Variants in ECE1 observed in about 807,000 individuals in gnomAD.
The protein encoded by ECE1 is endothelin-converting enzyme 1.
Under a neutral mutation model 98.6 loss-of-function variants are expected in ECE1, and 35 were observed. That is an observed-to-expected ratio of 0.35 (90% CI 0.27 to 0.47). ECE1 has a LOEUF of 0.47. ECE1 is among the 20% of genes least tolerant of loss of function. ECE1 has a pLI of 1.00. For missense variants in ECE1, 814 were observed against 1,025.3 expected (o/e 0.79, Z 2.81); for synonymous variants, 394 against 407.1 (o/e 0.97, Z 0.39).
chr1:21,245,227 C>G (rs1038578751), intron 9 of ECE1, 124 bp from the exon 10 acceptor site: 1 of 799,340 alleles, frequency 1.3e-6, no homozygotes, highest in African/African-American at 1.7e-5. Context: ...TTCCAGCCTG[C>G]GGGGGCTTGG....
At chr1:21,301,549 C>T (rs915538901) in intron 1 of ECE1, among the ~76,000 whole-genome samples, 1 of 152,014 alleles carries the variant, frequency 6.6e-6, no homozygotes, top group East Asian at 1.9e-4. Context: ...GGTGCAGTGG[C>T]TCACACCTAT....
intron 1 of ECE1, among the ~76,000 whole-genome samples, chr1:21,305,393 A>T (rs1359546157): frequency 6.6e-6 from 1 of 152,258 alleles, no homozygotes; most frequent in Non-Finnish European, 1.5e-5. Flanking sequence ...AGAAATAAAC[A>T]GACTTGAGTG....
In ECE1 at chr1:21,327,872, G is replaced by A. The variant is rs1262292133; in HGVS notation, c.3+17504C>T. On this transcript the variant is annotated intron_variant, in intron 1 of 18. Coordinates refer to the ECE1 transcript ENST00000415912. This position sits in a 1 kb window ranked among gnomAD's most constrained non-coding sequence, Gnocchi z 4.6. Reference sequence around the variant, plus strand: ...GGTGGCATTAGATTCTCGTAGGAGCGCGAACCCTATTGTGAACTGCACGTG... The same window carrying A: ...GGTGGCATTAGATTCTCGTAGGAGCACGAACCCTATTGTGAACTGCACGTG... 6.6e-6 allele frequency among the ~76,000 whole-genome samples: 1 copy of A among 152,196 alleles called. No individual in the cohort carries two copies. The highest frequency in any genetic ancestry group is 1.5e-5 in the Non-Finnish European group (1 of 68,038).
intron 12 of ECE1, among the ~76,000 whole-genome samples, chr1:21,236,205 C>G (rs1275489525): frequency 2.0e-5 from 3 of 152,274 alleles, no homozygotes; most frequent in African/African-American, 7.2e-5. Context: ...GGACGTGCTG[C>G]GTTTTCCTGC....
Position 21,225,554 on chromosome 1 carries a change from C to G in ECE1, c.1850-114G>C. 1 of 1,250,146 alleles carries G rather than the reference C, an allele frequency of 8.0e-7. No individual in the cohort carries two copies. The highest frequency in any genetic ancestry group is 1.4e-5 in the South Asian group (1 of 73,468). 77.4% of individuals were successfully genotyped at this position (1,250,146 alleles called of 1,614,324 possible). A position where few individuals can be genotyped will look rare whatever the true frequency, so the allele number is the denominator to read the frequency against. On this transcript the variant is annotated intron_variant, in intron 16 of 18. Transcript: ENST00000374893. This position sits in a 1 kb window ranked among gnomAD's most constrained non-coding sequence, Gnocchi z 5.3. ...CATCCGTCCACCCCCGTCCTCCAGCCACCATGGGGAGACGAGGTCCCTGTG... is the reference window on the plus strand; with the variant it reads ...CATCCGTCCACCCCCGTCCTCCAGCGACCATGGGGAGACGAGGTCCCTGTG...
chr1:21,293,694 T>A (rs558558680), upstream of ECE1: 3 of 152,202 alleles, frequency 2.0e-5, no homozygotes, highest in African/African-American at 4.8e-5. Flanking sequence ...TGAACCCACC[T>A]CAGACGGGAA....
intron 8 of ECE1, 72 bp downstream of exon 8, chr1:21,255,875 G>T: frequency 1.3e-6 from 2 of 1,499,026 alleles, no homozygotes; most frequent in Non-Finnish European, 9.2e-7. Context: ...GAGTATAAAA[G>T]CCCCCAGTCC....
At chr1:21,238,341 G>A (rs2098191068) in intron 10 of ECE1, 97 bp from the exon 11 acceptor site, 5 of 968,656 alleles carry the variant, frequency 5.2e-6, no homozygotes, top group East Asian at 2.6e-5. Context: ...CCCATGCTTT[G>A]TTCTGGAAGT....
Position 21,258,547 on chromosome 1 carries a change from G to T in ECE1, c.762+146C>A. On this transcript the variant is annotated intron_variant, in intron 6 of 18. Coordinates refer to ENST00000374893, the MANE Select transcript of ECE1 (RefSeq NM_001397.3). The surrounding 1 kb of genome is among the most constrained non-coding windows in gnomAD (Gnocchi z 4.2). ...AGCCTGCAAAGATCTCACCAGTGGG[G>T]CCTCTGGAAATAACCCAGGCTCAGA... 1 of 1,283,540 alleles carries T rather than the reference G, an allele frequency of 7.8e-7. No individual in the cohort carries two copies. 79.5% of individuals were successfully genotyped at this position (1,283,540 alleles called of 1,614,324 possible). A position where few individuals can be genotyped will look rare whatever the true frequency, so the allele number is the denominator to read the frequency against.
intron 1 of ECE1, among the ~76,000 whole-genome samples, chr1:21,321,213 C>T (rs925673163): frequency 2.0e-5 from 3 of 152,148 alleles, no homozygotes; most frequent in African/African-American, 7.2e-5. Flanking sequence ...CTTGCTGCTC[C>T]CCAGGCTGGC....
At position 21,220,340 on chromosome 1, in the gene ECE1, A is replaced by T. The variant is rs1050181499; in HGVS notation, c.2137-209T>A. ...CAAGACCCCATCTCTACAAAAAATT[A>T]AAAAAAAAATTAACCAGGGATGGTG... On this transcript the variant is annotated intron_variant, in intron 18 of 18. Coordinates refer to ENST00000374893, the MANE Select transcript of ECE1 (RefSeq NM_001397.3). This position sits in a 1 kb window ranked among gnomAD's most constrained non-coding sequence, Gnocchi z 5.0. Among the ~76,000 whole-genome samples the T allele has an allele frequency of 1.1e-4, 16 of 150,700 alleles. No homozygotes were observed. The highest frequency in any genetic ancestry group is 2.1e-4 in the South Asian group (1 of 4,766).
At chr1:21,236,630 C>T in intron 12 of ECE1, 116 bp downstream of exon 12, 2 of 1,043,144 alleles carry the variant, frequency 1.9e-6, no homozygotes, top group Non-Finnish European at 3.0e-6. Context: ...GCCTGGGTAA[C>T]AAGAACGAAA....
In ECE1 at chr1:21,310,519, T is replaced by C. The variant is rs191409837; in HGVS notation, c.4-20363A>G. Among the ~76,000 whole-genome samples, 213 of 152,146 alleles carry C rather than the reference T, an allele frequency of 1.4e-3. 1 individual carries two copies. Among genetic ancestry groups the C allele is most frequent in the African/African-American group, 4.3e-3 (180 of 41,516 alleles). ...GGCGTGTCCCATGCACCACAAGGAA[T>C]TGGGGAGGAACAATTCCCAAAGGAA... is the stretch of plus-strand genomic sequence containing the variant. On this transcript the variant is annotated intron_variant, in intron 1 of 18. Coordinates refer to the ECE1 transcript ENST00000415912.
At position 21,345,315 on chromosome 1, in the gene ECE1, C is replaced by G. The variant is rs1639477448; in HGVS notation, c.3+61G>C. 3 of 1,339,740 alleles carry G rather than the reference C, an allele frequency of 2.2e-6. No homozygotes were observed. The Admixed American group carries it at 8.0e-5, about 36-fold the overall frequency. 83.0% of individuals were successfully genotyped at this position (1,339,740 alleles called of 1,614,324 possible). A position where few individuals can be genotyped will look rare whatever the true frequency, so the allele number is the denominator to read the frequency against. ...CGGCCCCGGGTGCCACCCGCGGCACCGCTGCCCGCGACCGTCGAGGCTGGG... is the reference window on the plus strand; with the variant it reads ...CGGCCCCGGGTGCCACCCGCGGCACGGCTGCCCGCGACCGTCGAGGCTGGG... On this transcript the variant is annotated intron_variant, in intron 1 of 18. Transcript: ENST00000415912. This position sits in a 1 kb window ranked among gnomAD's most constrained non-coding sequence, Gnocchi z 5.1.
At position 21,238,151 on chromosome 1, in the gene ECE1, C is replaced by T. The variant is rs756058697; in HGVS notation, c.1372G>A (p.Glu458Lys). The T allele has an allele frequency of 1.2e-5, 20 of 1,614,104 alleles. No homozygotes were observed. The highest frequency in any genetic ancestry group is 8.8e-5 in the South Asian group (8 of 91,090). ...GCACTTACTATGCTCTTGCTGTCCTCGGCGAAGGTTGCTTTGACAAACATG... is the reference window on the plus strand; with the variant it reads ...GCACTTACTATGCTCTTGCTGTCCTTGGCGAAGGTTGCTTTGACAAACATG... ...GPMFVKATFA[E>K]DSKSIATEII... Residue 458 changes from glutamate to lysine, a missense_variant, in exon 11 of 19, where the codon GAG becomes AAG. By Grantham distance (56) the Glu-to-Lys change is moderately conservative. This residue lies in a region of ECE1 where 452 missense variants were observed against 567.3 expected (regional missense o/e 0.80). Transcript: ENST00000374893.
At chr1:21,255,150 CGG>C (rs2098218271) in intron 8 of ECE1, among the ~76,000 whole-genome samples, 1 of 152,158 alleles carries the variant, frequency 6.6e-6, no homozygotes, top group African/African-American at 2.4e-5. Flanking sequence ...GTAGAAGGAA[CGG>C]ACAACAGGTC....
At chr1:21,308,748 A>G (rs1182767340) in intron 1 of ECE1, among the ~76,000 whole-genome samples, 1 of 149,772 alleles carries the variant, frequency 6.7e-6, no homozygotes, top group Non-Finnish European at 1.5e-5. Context: ...CTGGGTACTG[A>G]GGGGCGAGCT....
intron 14 of ECE1, among the ~76,000 whole-genome samples, chr1:21,230,216 G>C (rs2098179987): frequency 6.6e-6 from 1 of 151,942 alleles, no homozygotes; most frequent in Non-Finnish European, 1.5e-5. Flanking sequence ...AAAAAATAAA[G>C]TTCATGGATG....
Position 21,334,869 on chromosome 1 carries a change from C to G in ECE1, c.3+10507G>C, listed in dbSNP as rs575824078. 2.6e-5 allele frequency among the ~76,000 whole-genome samples: 4 copies of G among 152,272 alleles called. No individual in the cohort carries two copies. The East Asian group carries it at 7.7e-4, about 29-fold the overall frequency. ...CTCAGGACAGACGAATATCCTGAGG[C>G]CCGCGCTCCTGCCTCCCTCCTGCCC... On this transcript the variant is annotated intron_variant, in intron 1 of 18. Coordinates refer to the ECE1 transcript ENST00000415912.
Sources: allele counts gnomAD v4.1 joint callset (sites outside exome capture counted in the v4.1 genomes callset), GRCh38; gene constraint gnomAD v4.1.1; regional missense constraint gnomAD v4.1.1; non-coding constraint Gnocchi (gnomAD v3.1); transcripts MANE v1.5; gene names NCBI Gene and HGNC (gene_info 2026-07-23, HGNC 2026-07-21).